Variants in C1orf21 observed in about 807,000 individuals in gnomAD.
C1orf21 encodes the protein chromosome 1 open reading frame 21, also known as uncharacterized protein C1orf21.
C1orf21 carries 3 observed loss-of-function variants against 18.7 expected under a neutral mutation model. The observed-to-expected ratio is 0.16, with a 90% confidence interval of 0.07 to 0.42. The LOEUF (loss-of-function observed/expected upper bound fraction) is 0.42. Among genes scored for constraint, C1orf21 ranks in the 10% least tolerant of loss-of-function variants. The probability of loss-of-function intolerance (pLI) is 0.99; values close to 1 mark genes in which losing one functional copy is unlikely to be tolerated. For missense variants in C1orf21, 104 were observed against 143.6 expected, an observed-to-expected ratio of 0.72 and a Z score of 1.41; for synonymous variants, 41 against 46.4, an observed-to-expected ratio of 0.88 and a Z score of 0.47.
intron 3 of C1orf21, among the ~76,000 whole-genome samples, chr1:184,510,567 C>G (rs1321994934): frequency 3.3e-5 from 5 of 152,058 alleles, no homozygotes; most frequent in African/African-American, 1.2e-4. Context: ...GACAAGTGCC[C>G]AAGCAGAAGT....
At chr1:184,613,059 G>A (rs1040998690) in intron 5 of C1orf21, among the ~76,000 whole-genome samples, 4 of 151,938 alleles carry the variant, frequency 2.6e-5, no homozygotes, top group Admixed American at 2.6e-4. Context: ...CAAGTGATCT[G>A]CAGTCTCAGC....
intron 3 of C1orf21, among the ~76,000 whole-genome samples, chr1:184,551,244 T>C (rs540182764): frequency 6.6e-6 from 1 of 152,138 alleles, no homozygotes; most frequent in Non-Finnish European, 1.5e-5. Context: ...TTTTTTTAAA[T>C]CATGTTTTTA....
In C1orf21 at chr1:184,625,634, T is replaced by C. The variant is rs1249738369; in HGVS notation, c.*6078T>C. 1 of 152,630 alleles carries C rather than the reference T, an allele frequency of 6.6e-6. No homozygotes were observed. The highest frequency in any genetic ancestry group is 1.5e-5 in the Non-Finnish European group (1 of 68,030). The allele number at this position is 152,630 out of a possible 1,614,324, so 9.5% of individuals were successfully genotyped here. On this transcript the variant is annotated 3_prime_UTR_variant, in exon 6 of 6. Transcript: ENST00000235307. ...CAATACTTCAAGAAAGAGCTGTATT[T>C]TGCCTTTCTGTAATCTCCAAGATAG...
At chr1:184,610,713 T>C (rs1418603372) in intron 5 of C1orf21, among the ~76,000 whole-genome samples, 1 of 151,992 alleles carries the variant, frequency 6.6e-6, no homozygotes, top group African/African-American at 2.4e-5. Flanking sequence ...ATGGGCATGG[T>C]GGCAGGCGCC....
intron 1 of C1orf21, among the ~76,000 whole-genome samples, chr1:184,460,621 TCTTCTTCTTCTTCTTCTTCTTCTTC>T (rs1657289034): frequency 1.1e-4 from 1 of 8,752 alleles, no homozygotes; most frequent in Non-Finnish European, 9.1e-4. Flanking sequence ...GTCGTCGTCG[TCTTCTTCTTCTTCTTCTTCTTCTTC>T]TTCTTCTTCT....
At chr1:184,537,004 GTACTAAT>G (rs1394913374) in intron 3 of C1orf21, among the ~76,000 whole-genome samples, 1 of 152,142 alleles carries the variant, frequency 6.6e-6, no homozygotes, top group African/African-American at 2.4e-5. Context: ...TGAATACAAA[GTACTAAT>G]TCCCTCCCTT....
At chr1:184,617,668 C>T (rs1257200499) in intron 5 of C1orf21, among the ~76,000 whole-genome samples, 3 of 152,144 alleles carry the variant, frequency 2.0e-5, no homozygotes, top group Non-Finnish European at 4.4e-5. Flanking sequence ...CTTCTCTGCT[C>T]AGGAGAGGTT....
At chr1:184,591,699 G>T (rs184602085) in intron 4 of C1orf21, among the ~76,000 whole-genome samples, 1 of 152,046 alleles carries the variant, frequency 6.6e-6, no homozygotes, top group Admixed American at 6.6e-5. Context: ...CCAGCTACTC[G>T]GGAGGCTGAG....
intron 2 of C1orf21, among the ~76,000 whole-genome samples, chr1:184,482,353 A>G (rs1657671308): frequency 6.6e-6 from 1 of 152,182 alleles, no homozygotes; most frequent in Admixed American, 6.5e-5. Flanking sequence ...AAAGTTCAAG[A>G]ATGCTACATT....
At chr1:184,559,975 CT>C (rs1432964042) in intron 3 of C1orf21, among the ~76,000 whole-genome samples, 1 of 152,008 alleles carries the variant, frequency 6.6e-6, no homozygotes, top group Non-Finnish European at 1.5e-5. Context: ...TGGTCTCGGA[CT>C]CCTGAGCTCA....
intron 1 of C1orf21, among the ~76,000 whole-genome samples, chr1:184,425,737 G>C (rs1007538735): frequency 8.5e-5 from 13 of 152,074 alleles, no homozygotes; most frequent in Non-Finnish European, 1.9e-4. Context: ...AAGGTCAGAG[G>C]CCAATTTTGA....
chr1:184,472,275 T>G (rs1657506981), intron 1 of C1orf21, among the ~76,000 whole-genome samples: 1 of 152,194 alleles, frequency 6.6e-6, no homozygotes, highest in Non-Finnish European at 1.5e-5. Flanking sequence ...GCTCCTGATC[T>G]ATTAATAATG....
intron 5 of C1orf21, among the ~76,000 whole-genome samples, chr1:184,616,383 G>T (rs541225373): frequency 6.6e-6 from 1 of 152,348 alleles, no homozygotes; most frequent in African/African-American, 2.4e-5. Context: ...TGCCTTGCAG[G>T]ACTGATATAA....
intron 1 of C1orf21, among the ~76,000 whole-genome samples, chr1:184,477,122 G>A (rs1178438617): frequency 6.6e-6 from 1 of 152,116 alleles, no homozygotes; most frequent in Non-Finnish European, 1.5e-5. Flanking sequence ...GAATAAATAC[G>A]TATTTTTGGT....
chr1:184,559,186 G>T (rs146337430), intron 3 of C1orf21, among the ~76,000 whole-genome samples: 2,558 of 152,204 alleles, frequency 0.017, 33 homozygotes, highest in African/African-American at 0.034. Flanking sequence ...GATCATGGGG[G>T]AGGATCCCTC....
chr1:184,560,813 C>A (rs536536784), intron 3 of C1orf21, among the ~76,000 whole-genome samples: 2 of 152,306 alleles, frequency 1.3e-5, no homozygotes, highest in African/African-American at 4.8e-5. Flanking sequence ...GAAATTAATT[C>A]TTCACTTTAC....
chr1:184,569,233 G>A (rs10158270), intron 3 of C1orf21, among the ~76,000 whole-genome samples: 6,869 of 152,252 alleles, frequency 0.045, 506 homozygotes, highest in African/African-American at 0.15. Flanking sequence ...CATAGTCTCT[G>A]GAGGAACTGG....
intron 3 of C1orf21, among the ~76,000 whole-genome samples, chr1:184,511,236 A>G (rs140017050): frequency 2.0e-5 from 3 of 152,326 alleles, no homozygotes; most frequent in Non-Finnish European, 4.4e-5. Flanking sequence ...CATGGATCAT[A>G]CAACAATGTA....
intron 3 of C1orf21, among the ~76,000 whole-genome samples, chr1:184,586,060 G>C (rs1659347386): frequency 5.3e-5 from 8 of 152,098 alleles, no homozygotes; most frequent in Admixed American, 5.2e-4. Context: ...TTTCAAAATG[G>C]TTGAATTAAT....
Sources: allele counts gnomAD v4.1 joint callset (sites outside exome capture counted in the v4.1 genomes callset), GRCh38; gene constraint gnomAD v4.1.1; transcripts MANE v1.5; gene names NCBI Gene and HGNC (gene_info 2026-07-23, HGNC 2026-07-21).